The following CALN1 variants were observed in gnomAD, a reference collection of about 807,000 sequenced individuals.
CALN1 encodes calcium-binding protein 8.
In CALN1, 17 loss-of-function variants were observed where a neutral mutation model predicts 30.6. The observed-to-expected ratio is 0.56, with a 90% CI of 0.38 to 0.83. The LOEUF (loss-of-function observed/expected upper bound fraction) is 0.83. Among genes scored for constraint, CALN1 ranks in the 40% least tolerant of loss-of-function variants. The pLI is 0.00. For synonymous variants in CALN1, 156 were observed against 131.4 expected (o/e 1.19, Z -1.28); for missense variants, 291 against 354.9 (o/e 0.82, Z 1.45).
At chr7:71,891,701 C>T (rs572540778) in intron 5 of CALN1, among the ~76,000 whole-genome samples, 8 of 152,194 alleles carry the variant, frequency 5.3e-5, no homozygotes, top group East Asian at 1.9e-4. Flanking sequence ...CCCAGCACTT[C>T]GGGAAGCCAA....
chr7:72,200,960 C>G (rs1562726697), intron 3 of CALN1, among the ~76,000 whole-genome samples: 1 of 152,124 alleles, frequency 6.6e-6, no homozygotes. Context: ...AATCATTCTA[C>G]CAAAAAGACA....
the CALN1 span, among the ~76,000 whole-genome samples, chr7:72,474,927 A>T: frequency 6.6e-6 from 1 of 152,120 alleles, no homozygotes; most frequent in Admixed American, 6.6e-5. Flanking sequence ...CTCAACAGTC[A>T]TTCATCTGGA....
intron 5 of CALN1, among the ~76,000 whole-genome samples, chr7:72,014,260 T>C (rs1009128771): frequency 3.3e-5 from 5 of 152,096 alleles, no homozygotes; most frequent in African/African-American, 1.2e-4. Flanking sequence ...CTAATTTTTG[T>C]ATTTTTAGTA....
chr7:72,105,410 C>T (rs1807016544), intron 4 of CALN1, among the ~76,000 whole-genome samples: 1 of 152,158 alleles, frequency 6.6e-6, no homozygotes, highest in Non-Finnish European at 1.5e-5. Context: ...AGGCCAGGCT[C>T]TAGCCCATGG....
chr7:72,474,014 A>G, the CALN1 span, among the ~76,000 whole-genome samples: 1 of 152,186 alleles, frequency 6.6e-6, no homozygotes, highest in Non-Finnish European at 1.5e-5. Flanking sequence ...TTTTGAAAAA[A>G]AAGATTGTTA....
At position 72,188,547 on chromosome 7, in the gene CALN1, G is replaced by A. The variant is rs893938473; in HGVS notation, c.245-82253C>T. 2.6e-5 allele frequency among the ~76,000 whole-genome samples: 4 copies of A among 152,020 alleles called. No homozygotes were observed. The South Asian group carries it at 8.3e-4, about 32-fold the overall frequency. ...ATGATACAATGAACTCTGGGAACTT[G>A]GGGGAAAGGGTGGGAGGGGGGTGAG... is the stretch of plus-strand genomic sequence containing the variant. On this transcript the variant is annotated intron_variant, in intron 3 of 6. Coordinates refer to ENST00000395275, the MANE Select transcript of CALN1 (RefSeq NM_031468.4).
chr7:71,969,683 C>G (rs1446853924), intron 5 of CALN1, among the ~76,000 whole-genome samples: 1 of 151,982 alleles, frequency 6.6e-6, no homozygotes, highest in Non-Finnish European at 1.5e-5. Flanking sequence ...AAGTTTATCC[C>G]GGAGAAGAGA....
chr7:72,091,682 C>A (rs147341248), intron 4 of CALN1, among the ~76,000 whole-genome samples: 1 of 152,250 alleles, frequency 6.6e-6, no homozygotes, highest in African/African-American at 2.4e-5. Context: ...CAAGCCAGTC[C>A]ATCAGTAGGC....
At position 71,870,278 on chromosome 7, in the gene CALN1, G is replaced by A. The variant is rs1791845505; in HGVS notation, c.502-59786C>T. On this transcript the variant is annotated intron_variant, in intron 5 of 6. Transcript: ENST00000395275. ...TGTGCCTGTAATCTCAGCTACTAGG[G>A]AGGCTGAGGCAGGAGAATTCCTTGA... Among the ~76,000 whole-genome samples the A allele has an allele frequency of 2.0e-5, 3 of 152,074 alleles. No individual in the cohort carries two copies. In the South Asian group the frequency reaches 6.2e-4, roughly 32 times the overall value.
chr7:72,325,763 T>C (rs1258036142), intron 2 of CALN1, among the ~76,000 whole-genome samples: 1 of 152,170 alleles, frequency 6.6e-6, no homozygotes, highest in Non-Finnish European at 1.5e-5. Context: ...AGATGATCTA[T>C]TGGTGACCTG....
chr7:71,794,943 C>G (rs889095916), intron 6 of CALN1, among the ~76,000 whole-genome samples: 2 of 152,228 alleles, frequency 1.3e-5, no homozygotes, highest in Non-Finnish European at 2.9e-5. Flanking sequence ...GCCTTGGCCA[C>G]TTCTGTTCCA....
chr7:72,384,486 A>G (rs1805088224), intron 2 of CALN1, among the ~76,000 whole-genome samples: 1 of 152,146 alleles, frequency 6.6e-6, no homozygotes, highest in Non-Finnish European at 1.5e-5. Flanking sequence ...AATTAATTCA[A>G]AATGGGGCTT....
At chr7:72,411,229 CTG>C (rs1177296141) in intron 1 of CALN1, among the ~76,000 whole-genome samples, 15 of 152,168 alleles carry the variant, frequency 9.9e-5, no homozygotes, top group Non-Finnish European at 2.9e-5. Flanking sequence ...GCAAACACAA[CTG>C]TATTTCAAGT....
chr7:72,343,441 G>A lies in CALN1; in HGVS notation c.119+59810C>T, dbSNP rs144921270. 1.7e-3 allele frequency among the ~76,000 whole-genome samples: 252 copies of A among 152,098 alleles called. 2 individuals carry two copies. Among genetic ancestry groups the A allele is most frequent in the African/African-American group, 5.8e-3 (239 of 41,508 alleles). On this transcript the variant is annotated intron_variant, in intron 2 of 6. Coordinates refer to ENST00000395275, the MANE Select transcript of CALN1 (RefSeq NM_031468.4). ...CGCATGCCTGTAATCCCAGCTACTC[G>A]GAAGACTGAGGCAGGAGAATTGCCT...
At chr7:72,309,052 A>G (rs1799859433) in intron 2 of CALN1, among the ~76,000 whole-genome samples, 1 of 152,222 alleles carries the variant, frequency 6.6e-6, no homozygotes, top group Non-Finnish European at 1.5e-5. Flanking sequence ...GGCCAATTAA[A>G]TAACTGGTTC....
chr7:71,866,927 T>C (rs1791618544), intron 5 of CALN1, among the ~76,000 whole-genome samples: 1 of 152,052 alleles, frequency 6.6e-6, no homozygotes, highest in African/African-American at 2.4e-5. Context: ...AGTGGATCAC[T>C]TGAGGTCAGG....
At chr7:72,028,402 G>A (rs1258565986) in intron 4 of CALN1, among the ~76,000 whole-genome samples, 2 of 152,158 alleles carry the variant, frequency 1.3e-5, no homozygotes, top group Non-Finnish European at 2.9e-5. Context: ...GGTGCACTTG[G>A]CTGGGAACTA....
At chr7:71,866,911 G>A (rs185257955) in intron 5 of CALN1, among the ~76,000 whole-genome samples, 67 of 152,272 alleles carry the variant, frequency 4.4e-4, no homozygotes, top group African/African-American at 1.6e-3. Flanking sequence ...TTGGGAGGCC[G>A]AAATGAGTGG....
chr7:71,946,226 G>T (rs1442137344), intron 5 of CALN1, among the ~76,000 whole-genome samples: 1 of 152,124 alleles, frequency 6.6e-6, no homozygotes, highest in East Asian at 1.9e-4. Context: ...AGGGAAATCA[G>T]AATATCTTCA....
Sources: allele counts gnomAD v4.1 joint callset (sites outside exome capture counted in the v4.1 genomes callset), GRCh38; gene constraint gnomAD v4.1.1; transcripts MANE v1.5; gene names NCBI Gene and HGNC (gene_info 2026-07-23, HGNC 2026-07-21).